Variants in SLC10A7 observed in about 807,000 individuals in gnomAD.
The protein encoded by SLC10A7 is solute carrier family 10 member 7.
Under a neutral mutation model 43.2 loss-of-function variants are expected in SLC10A7, and 29 were observed. The observed-to-expected ratio is 0.67, with a 90% CI of 0.50 to 0.92. SLC10A7 has a LOEUF of 0.92. Ranked by LOEUF, SLC10A7 falls within the 40% of genes least tolerant of loss-of-function variation. SLC10A7 has a pLI of 0.00. For synonymous variants in SLC10A7, 152 were observed against 144.8 expected (o/e 1.05, Z -0.35); for missense variants, 295 against 403.2 (o/e 0.73, Z 2.30).
At chr4:146,482,897 C>T (rs1734596038) in intron 4 of SLC10A7, among the ~76,000 whole-genome samples, 5 of 151,834 alleles carry the variant, frequency 3.3e-5, no homozygotes, top group Admixed American at 3.3e-4. Flanking sequence ...GTGGATTTCT[C>T]AGGAAAAATC....
intron 2 of SLC10A7, among the ~76,000 whole-genome samples, chr4:146,511,940 C>A (rs1737509154): frequency 6.7e-6 from 1 of 148,538 alleles, no homozygotes; most frequent in African/African-American, 2.5e-5. Flanking sequence ...AATGATTAGC[C>A]AGAATACACT....
intron 10 of SLC10A7, among the ~76,000 whole-genome samples, chr4:146,259,346 G>A (rs77104813): frequency 0.022 from 3,323 of 152,256 alleles, 110 homozygotes; most frequent in African/African-American, 0.076. Flanking sequence ...TAGTCAACTG[G>A]ACCTTAAAGG....
At chr4:146,279,862 T>G (rs948036935) in intron 10 of SLC10A7, among the ~76,000 whole-genome samples, 1 of 152,176 alleles carries the variant, frequency 6.6e-6, no homozygotes, top group Non-Finnish European at 1.5e-5. Context: ...GAAAAAGTAC[T>G]AATACGAAGA....
chr4:146,438,792 C>T (rs1022062878), intron 5 of SLC10A7, among the ~76,000 whole-genome samples: 12 of 151,890 alleles, frequency 7.9e-5, no homozygotes, highest in Admixed American at 4.6e-4. Context: ...GTTTTCAACA[C>T]AATTGAATCT....
chr4:146,508,752 T>C (rs1737159950), intron 3 of SLC10A7, among the ~76,000 whole-genome samples: 1 of 152,168 alleles, frequency 6.6e-6, no homozygotes. Context: ...CCCTCTACTA[T>C]CTCTTCTACA....
At chr4:146,347,587 G>A (rs1734711813) in intron 5 of SLC10A7, among the ~76,000 whole-genome samples, 1 of 152,146 alleles carries the variant, frequency 6.6e-6, no homozygotes, top group Admixed American at 6.6e-5. Flanking sequence ...TTTGTTCTCT[G>A]AAGAATATGT....
At chr4:146,442,081 C>CA (rs956435106) in intron 5 of SLC10A7, 2 of 977,802 alleles carry the variant, frequency 2.0e-6, no homozygotes, top group African/African-American at 1.8e-5. Flanking sequence ...TTTTAAGGCA[C>CA]AAAAAAATTA....
At chr4:146,264,976 C>T (rs1442917019) in intron 10 of SLC10A7, among the ~76,000 whole-genome samples, 3 of 152,190 alleles carry the variant, frequency 2.0e-5, no homozygotes, top group Non-Finnish European at 4.4e-5. Flanking sequence ...GATTAATATT[C>T]CCCAAATCCA....
chr4:146,259,641 T>C (rs1000946617), intron 10 of SLC10A7, among the ~76,000 whole-genome samples: 6 of 152,216 alleles, frequency 3.9e-5, no homozygotes, highest in Non-Finnish European at 8.8e-5. Context: ...AGTGAATGTC[T>C]TCATGGAACT....
intron 7 of SLC10A7, among the ~76,000 whole-genome samples, chr4:146,301,226 G>T (rs751690676): frequency 2.6e-5 from 4 of 152,174 alleles, no homozygotes; most frequent in Admixed American, 6.5e-5. Flanking sequence ...CAGCAGGCAG[G>T]CGTCACATTA....
intron 4 of SLC10A7, among the ~76,000 whole-genome samples, chr4:146,454,852 G>T (rs898800693): frequency 6.6e-6 from 1 of 151,762 alleles, no homozygotes; most frequent in Admixed American, 6.6e-5. Context: ...GTATAACCCA[G>T]AATACCAACA....
chr4:146,289,709 T>TG (rs1730276968), intron 9 of SLC10A7, among the ~76,000 whole-genome samples: 2 of 114,930 alleles, frequency 1.7e-5, no homozygotes, highest in African/African-American at 6.3e-5. Context: ...ATTATTAGTT[T>TG]TTTTTTTTTT....
intron 7 of SLC10A7, 35 bp from the exon 8 acceptor site, chr4:146,294,130 A>G: frequency 1.3e-6 from 2 of 1,503,510 alleles, no homozygotes; most frequent in Non-Finnish European, 1.8e-6. Flanking sequence ...GCCTCTTTTC[A>G]GAGATGGAGG....
At chr4:146,287,986 C>T (rs2111156377) in intron 9 of SLC10A7, among the ~76,000 whole-genome samples, 1 of 152,334 alleles carries the variant, frequency 6.6e-6, no homozygotes, top group African/African-American at 2.4e-5. Flanking sequence ...GCAGCATTCA[C>T]AATGTGGCTA....
chr4:146,304,461 G>C (rs539298780), intron 7 of SLC10A7, among the ~76,000 whole-genome samples: 11 of 151,958 alleles, frequency 7.2e-5, no homozygotes, highest in Non-Finnish European at 1.5e-4. Context: ...CTTTGTTCTC[G>C]TTGGTTTCAA....
chr4:146,445,889 T>G (rs1216205166), intron 4 of SLC10A7, among the ~76,000 whole-genome samples: 69 of 98,466 alleles, frequency 7.0e-4, no homozygotes, highest in African/African-American at 2.6e-3. Context: ...CTCTTCTCTC[T>G]TCTGTGTGTG....
chr4:146,417,559 C>A (rs1728662079), intron 5 of SLC10A7, among the ~76,000 whole-genome samples: 1 of 152,060 alleles, frequency 6.6e-6, no homozygotes, highest in Non-Finnish European at 1.5e-5. Flanking sequence ...TTATTGTTTG[C>A]CTATCACAGT....
chr4:146,468,096 A>G (rs1733213978), intron 4 of SLC10A7, among the ~76,000 whole-genome samples: 1 of 152,220 alleles, frequency 6.6e-6, no homozygotes, highest in African/African-American at 2.4e-5. Context: ...CTCCATAGCT[A>G]GAGAACCTCT....
chr4:146,463,221 T>A (rs1029751808), intron 4 of SLC10A7, among the ~76,000 whole-genome samples: 1 of 152,188 alleles, frequency 6.6e-6, no homozygotes, highest in Non-Finnish European at 1.5e-5. Flanking sequence ...TAAAATATTA[T>A]GTGGACTCCT....
Sources: allele counts gnomAD v4.1 joint callset (sites outside exome capture counted in the v4.1 genomes callset), GRCh38; gene constraint gnomAD v4.1.1; transcripts MANE v1.5; gene names NCBI Gene and HGNC (gene_info 2026-07-23, HGNC 2026-07-21).